The following RFC3 variants were observed in gnomAD, a reference collection of about 807,000 sequenced individuals.
RFC3 encodes A1 38 kDa subunit.
Under a neutral mutation model 45.1 loss-of-function variants are expected in RFC3, and 41 were observed. The ratio of observed to expected loss-of-function variants is 0.91; its 90% CI spans 0.71 to 1.18. The LOEUF (loss-of-function observed/expected upper bound fraction) is 1.18. Among genes scored for constraint, RFC3 ranks in the 50% most tolerant of loss-of-function variants. The pLI, the probability that RFC3 is intolerant of heterozygous loss-of-function variation, is 0.00. For missense variants in RFC3, 423 were observed against 428.1 expected (o/e 0.99, Z 0.10); for synonymous variants, 149 against 144.0 (o/e 1.03, Z -0.25).
chr13:33,880,262 C>T (rs114035904), intron 8 of RFC3, among the ~76,000 whole-genome samples: 173 of 152,226 alleles, frequency 1.1e-3, no homozygotes, highest in African/African-American at 4.1e-3. Flanking sequence ...ATATAAAAGA[C>T]AACAGGATTC....
chr13:33,927,041 A>G (rs551114350), intron 8 of RFC3, among the ~76,000 whole-genome samples: 15 of 152,078 alleles, frequency 9.9e-5, no homozygotes, highest in Non-Finnish European at 1.9e-4. Flanking sequence ...AATAGATTAT[A>G]TATCATATCA....
chr13:33,897,732 A>G (rs1475110823), intron 8 of RFC3, among the ~76,000 whole-genome samples: 2 of 152,108 alleles, frequency 1.3e-5, no homozygotes, highest in Non-Finnish European at 2.9e-5. Flanking sequence ...AAGATATTCC[A>G]GGCAACTGGA....
chr13:33,821,011 A>T lies in RFC3; in HGVS notation c.88-121A>T, dbSNP rs1306011629. 1.1e-5 allele frequency: 10 copies of T among 895,514 alleles called. No homozygotes were observed. In the East Asian group the frequency reaches 2.0e-4, roughly 18 times the overall value. The allele number at this position is 895,514 out of a possible 1,614,324, so 55.5% of individuals were successfully genotyped here. ...CATATATAAAAAATTGGGTGTATCT[A>T]CTCATGAACTGGGAGTTTCATGGGT... On this transcript the variant is annotated intron_variant, in intron 1 of 8. Coordinates refer to ENST00000380071, the MANE Select transcript of RFC3 (RefSeq NM_002915.4).
At chr13:33,922,274 T>C (rs1047852544) in intron 8 of RFC3, among the ~76,000 whole-genome samples, 2 of 152,070 alleles carry the variant, frequency 1.3e-5, no homozygotes, top group East Asian at 3.9e-4. Flanking sequence ...AATTTTAGTA[T>C]ATTTAGAGTT....
At chr13:33,843,370 C>G (rs1395091859) in intron 8 of RFC3, among the ~76,000 whole-genome samples, 1 of 152,212 alleles carries the variant, frequency 6.6e-6, no homozygotes, top group South Asian at 2.1e-4. Context: ...ATCTAAATTG[C>G]AGCCTAATGC....
At chr13:33,920,087 C>T (rs911132594) in intron 8 of RFC3, among the ~76,000 whole-genome samples, 1 of 152,128 alleles carries the variant, frequency 6.6e-6, no homozygotes. Flanking sequence ...GGGACTCACT[C>T]CTGGGTTTCT....
intron 8 of RFC3, among the ~76,000 whole-genome samples, chr13:33,957,338 A>G (rs1418696046): frequency 6.6e-6 from 1 of 152,180 alleles, no homozygotes; most frequent in East Asian, 1.9e-4. Context: ...TATTCCAGAG[A>G]GGAGAAAAAC....
intron 8 of RFC3, among the ~76,000 whole-genome samples, chr13:33,888,564 T>A (rs1465807598): frequency 2.0e-5 from 3 of 152,194 alleles, no homozygotes; most frequent in Admixed American, 6.5e-5. Flanking sequence ...ATACAATAGA[T>A]GCTCACAAAC....
At chr13:33,965,647 G>A (rs1018199806) in intron 8 of RFC3, among the ~76,000 whole-genome samples, 3 of 152,236 alleles carry the variant, frequency 2.0e-5, no homozygotes, top group Admixed American at 6.5e-5. Context: ...TAATGAAAAG[G>A]CCAAGGAAAG....
intron 8 of RFC3, among the ~76,000 whole-genome samples, chr13:33,925,081 ACG>A (rs1364334004): frequency 7.0e-6 from 1 of 141,850 alleles, no homozygotes; most frequent in Non-Finnish European, 1.5e-5. Context: ...TACTATATAC[ACG>A]CATATATAGT....
chr13:33,899,455 A>G (rs928822071), intron 8 of RFC3, among the ~76,000 whole-genome samples: 16 of 151,744 alleles, frequency 1.1e-4, no homozygotes, highest in African/African-American at 2.4e-4. Flanking sequence ...AATAGATGCT[A>G]AAAACGCATT....
chr13:33,872,107 C>T (rs2082413942), intron 8 of RFC3, among the ~76,000 whole-genome samples: 1 of 152,020 alleles, frequency 6.6e-6, no homozygotes, highest in Admixed American at 6.5e-5. Context: ...CTAATATCTA[C>T]TTGTTTGTTC....
intron 8 of RFC3, among the ~76,000 whole-genome samples, chr13:33,938,721 A>G (rs1249757879): frequency 6.6e-6 from 1 of 152,160 alleles, no homozygotes; most frequent in Non-Finnish European, 1.5e-5. Context: ...GCTACTATCA[A>G]CATTTTTGTA....
At chr13:33,831,466 T>A in intron 7 of RFC3, 112 bp downstream of exon 7, 1 of 601,476 alleles carries the variant, frequency 1.7e-6, no homozygotes, top group Non-Finnish European at 2.9e-6. Flanking sequence ...CCTGAATCTA[T>A]GTATTAACTT....
At chr13:33,890,748 A>G (rs2082558464) in intron 8 of RFC3, among the ~76,000 whole-genome samples, 1 of 152,188 alleles carries the variant, frequency 6.6e-6, no homozygotes, top group Non-Finnish European at 1.5e-5. Flanking sequence ...TCACCATCTT[A>G]TTGATGATGA....
At chr13:33,824,774 A>G (rs1289655564) in intron 3 of RFC3, among the ~76,000 whole-genome samples, 1 of 152,162 alleles carries the variant, frequency 6.6e-6, no homozygotes, top group Non-Finnish European at 1.5e-5. Context: ...CTGTATTATT[A>G]CATTTAATCC....
At chr13:33,863,472 A>C (rs1304881901) in intron 8 of RFC3, among the ~76,000 whole-genome samples, 1 of 152,142 alleles carries the variant, frequency 6.6e-6, no homozygotes, top group Non-Finnish European at 1.5e-5. Flanking sequence ...TACTGAGTGG[A>C]GCCATATGTT....
intron 8 of RFC3, among the ~76,000 whole-genome samples, chr13:33,941,294 C>T (rs1035845502): frequency 5.9e-5 from 9 of 151,912 alleles, no homozygotes; most frequent in African/African-American, 1.2e-4. Context: ...AATGTGTCTG[C>T]GCACCTAATC....
intron 2 of RFC3, among the ~76,000 whole-genome samples, chr13:33,821,741 C>T (rs1365306751): frequency 6.6e-6 from 1 of 152,158 alleles, no homozygotes; most frequent in Non-Finnish European, 1.5e-5. Flanking sequence ...CTTGCCCTTG[C>T]CAAGATGTCC....
Sources: allele counts gnomAD v4.1 joint callset (sites outside exome capture counted in the v4.1 genomes callset), GRCh38; gene constraint gnomAD v4.1.1; transcripts MANE v1.5; gene names NCBI Gene and HGNC (gene_info 2026-07-23, HGNC 2026-07-21).